Variants in SNX29 observed in about 807,000 individuals in gnomAD.
SNX29 encodes the protein sorting nexin-29.
A neutral mutation model predicts 102.1 loss-of-function variants in SNX29; 78 were observed. That is an observed-to-expected ratio of 0.76 (90% CI 0.64 to 0.92). SNX29 has a LOEUF of 0.92. Ranked by LOEUF, SNX29 falls within the 40% of genes least tolerant of loss-of-function variation. SNX29 has a pLI of 0.00. For synonymous variants in SNX29, 580 were observed against 414.5 expected (o/e 1.40, Z -4.85); for missense variants, 1,280 against 1,061.7 (o/e 1.21, Z -2.86).
chr16:12,551,254 G>A (rs2077958566), intron 20 of SNX29, among the ~76,000 whole-genome samples: 1 of 152,088 alleles, frequency 6.6e-6, no homozygotes. Flanking sequence ...AAAAATCACT[G>A]CTCCGGAGGT....
At chr16:12,254,062 G>A (rs1226388345) in intron 14 of SNX29, among the ~76,000 whole-genome samples, 2 of 152,214 alleles carry the variant, frequency 1.3e-5, no homozygotes, top group African/African-American at 4.8e-5. Flanking sequence ...CCAGAAGGAT[G>A]TGGAGGGAGG....
chr16:12,566,477 G>C (rs1469435854), intron 20 of SNX29, among the ~76,000 whole-genome samples: 2 of 152,126 alleles, frequency 1.3e-5, no homozygotes, highest in South Asian at 4.2e-4. Context: ...TGGCTGTGCT[G>C]AATGATGATG....
At position 12,568,528 on chromosome 16, in the gene SNX29, C is replaced by T. The variant is rs200511408; in HGVS notation, c.2341C>T (p.Pro781Ser). ...FFVDITPPGE[P>S]VNSRPKAASR... Reference sequence around the variant, plus strand: ...CAGCGACATCACCCCGCCCGGAGAGCCTGTGAACAGCCGGCCCAAAGCAGC... The same window carrying T: ...CAGCGACATCACCCCGCCCGGAGAGTCTGTGAACAGCCGGCCCAAAGCAGC... Residue 781 changes from proline to serine, a missense_variant, in exon 21 of 21, where the codon CCT becomes TCT. Pro to Ser is a moderately conservative substitution (Grantham distance 74). Transcript: ENST00000566228. 4 of 1,609,888 alleles carry T rather than the reference C, an allele frequency of 2.5e-6. No homozygotes were observed. The highest frequency in any genetic ancestry group is 2.7e-5 in the African/African-American group (2 of 74,932).
At chr16:12,234,599 A>T (rs189287273) in intron 14 of SNX29, among the ~76,000 whole-genome samples, 295 of 151,482 alleles carry the variant, frequency 1.9e-3, no homozygotes, top group Non-Finnish European at 2.7e-3. Context: ...TTCTTTTGTC[A>T]TGTACTTTTG....
chr16:12,064,149 G>A (rs1461672497), intron 9 of SNX29, among the ~76,000 whole-genome samples: 1 of 152,012 alleles, frequency 6.6e-6, no homozygotes, highest in Non-Finnish European at 1.5e-5. Context: ...GCAGTAGGTG[G>A]TCTGATTGTT....
intron 20 of SNX29, among the ~76,000 whole-genome samples, chr16:12,567,460 C>T (rs2079058845): frequency 1.3e-5 from 2 of 152,136 alleles, no homozygotes; most frequent in African/African-American, 4.8e-5. Context: ...TTTATGTGTC[C>T]CCTTATCTAG....
At chr16:12,536,982 A>AAAAAT (rs200839685) in intron 20 of SNX29, among the ~76,000 whole-genome samples, 17 of 148,676 alleles carry the variant, frequency 1.1e-4, no homozygotes, top group African/African-American at 4.1e-4. Context: ...CCCGTCTTAA[A>AAAAAT]AAAATAAAAT....
intron 1 of SNX29, among the ~76,000 whole-genome samples, chr16:11,995,815 A>G (rs909456551): frequency 4.6e-5 from 7 of 151,802 alleles, no homozygotes; most frequent in Admixed American, 3.9e-4. Flanking sequence ...TAATCCCAGC[A>G]CTTTGGGAGG....
At chr16:12,126,726 C>A in intron 12 of SNX29, 30 bp downstream of exon 12, 3 of 1,611,720 alleles carry the variant, frequency 1.9e-6, no homozygotes, top group Non-Finnish European at 2.5e-6. Context: ...TGAGGAATAG[C>A]CTCTTTCTTT....
intron 13 of SNX29, among the ~76,000 whole-genome samples, chr16:12,131,925 C>G (rs1567235130): frequency 6.6e-6 from 1 of 152,242 alleles, no homozygotes; most frequent in East Asian, 1.9e-4. Context: ...AGTTTAATGA[C>G]TGTTATAAAT....
intron 20 of SNX29, among the ~76,000 whole-genome samples, chr16:12,543,604 A>C (rs2077444910): frequency 6.6e-6 from 1 of 152,056 alleles, no homozygotes; most frequent in South Asian, 2.1e-4. Context: ...ATCCTCCCCG[A>C]TGGAGTGGGC....
At position 12,572,049 on chromosome 16, in the gene SNX29, A is replaced by G. The variant is rs2079199154; in HGVS notation, c.*3420A>G. ...AAGGGATCATCCAGTGGAGTTGTAAACAAGGGAACCATCTTGCAAGATCTA... is the reference window on the plus strand; with the variant it reads ...AAGGGATCATCCAGTGGAGTTGTAAGCAAGGGAACCATCTTGCAAGATCTA... On this transcript the variant is annotated 3_prime_UTR_variant, in exon 21 of 21. Transcript: ENST00000566228. The G allele has an allele frequency of 9.4e-7, 1 of 1,063,596 alleles. No individual in the cohort carries two copies. The highest frequency in any genetic ancestry group is 1.1e-6 in the Non-Finnish European group (1 of 878,180). 65.9% of individuals were successfully genotyped at this position (1,063,596 alleles called of 1,614,324 possible).
At chr16:12,540,638 TC>T (rs2077290383) in intron 20 of SNX29, among the ~76,000 whole-genome samples, 1 of 152,112 alleles carries the variant, frequency 6.6e-6, no homozygotes, top group South Asian at 2.1e-4. Flanking sequence ...CAGGATCATC[TC>T]CCCATCTCAA....
At chr16:12,457,984 T>C (rs1022070168) in intron 18 of SNX29, among the ~76,000 whole-genome samples, 5 of 152,194 alleles carry the variant, frequency 3.3e-5, no homozygotes, top group African/African-American at 1.2e-4. Flanking sequence ...AAATGTTCTA[T>C]TGTTCTGTTT....
chr16:12,368,808 C>A (rs968631861), intron 16 of SNX29, among the ~76,000 whole-genome samples: 37 of 152,232 alleles, frequency 2.4e-4, no homozygotes, highest in African/African-American at 8.7e-4. Flanking sequence ...AAGTGACAGG[C>A]AGCGGCCACC....
rs139637723 is a variant in SNX29, at chr16:12,389,087, C to T, written c.1900-9359C>T. The stretch of plus-strand genomic sequence containing the variant: ...ATCATAGTTTTCCTTGGGATTGTAG[C>T]GTATCTTAGGAAATCCTACATCCAC... On this transcript the variant is annotated intron_variant, in intron 16 of 20. Transcript: ENST00000566228. 2.8e-3 allele frequency among the ~76,000 whole-genome samples: 421 copies of T among 152,210 alleles called. 1 individual carries two copies. The highest frequency in any genetic ancestry group is 4.1e-3 in the Non-Finnish European group (282 of 68,010).
chr16:12,525,793 C>G (rs76293390), intron 20 of SNX29, among the ~76,000 whole-genome samples: 2,429 of 149,462 alleles, frequency 0.016, 67 homozygotes, highest in South Asian at 0.12. Flanking sequence ...AATCTTGGCT[C>G]GAAATGTCAT....
At chr16:12,561,383 G>A (rs572514325) in intron 20 of SNX29, among the ~76,000 whole-genome samples, 1 of 152,112 alleles carries the variant, frequency 6.6e-6, no homozygotes, top group Non-Finnish European at 1.5e-5. Flanking sequence ...GGAAGATGCT[G>A]GCCACATCCC....
chr16:12,194,713 G>A (rs944122118), intron 13 of SNX29, among the ~76,000 whole-genome samples: 1 of 145,156 alleles, frequency 6.9e-6, no homozygotes, highest in African/African-American at 2.5e-5. Flanking sequence ...TGCAACCTCC[G>A]CCTCCCAGGT....
Sources: allele counts gnomAD v4.1 joint callset (sites outside exome capture counted in the v4.1 genomes callset), GRCh38; gene constraint gnomAD v4.1.1; transcripts MANE v1.5; gene names NCBI Gene and HGNC (gene_info 2026-07-23, HGNC 2026-07-21).